Variants in TACC2 observed in about 807,000 individuals in gnomAD.
The protein encoded by TACC2 is transforming acidic coiled-coil containing protein 2, also known as transforming acidic coiled-coil-containing protein 2.
In TACC2, 137 loss-of-function variants were observed where a neutral mutation model predicts 227.3. The observed-to-expected ratio is 0.60, with a 90% CI of 0.52 to 0.69. TACC2 has a LOEUF of 0.69. Ranked by LOEUF, TACC2 falls within the 30% of genes least tolerant of loss-of-function variation. The pLI is 0.00. For missense variants in TACC2, 3,470 were observed against 3,694.4 expected, an observed-to-expected ratio of 0.94 and a Z score of 1.57; for synonymous variants, 1,523 against 1,487.5, an observed-to-expected ratio of 1.02 and a Z score of -0.55.
At position 121,993,836 on chromosome 10, in the gene TACC2, G is replaced by A. The variant is rs375420358; in HGVS notation, c.-46+4348G>A. On this transcript the variant is annotated intron_variant, in intron 1 of 22. Transcript: ENST00000369005. ...AGTAGACTCTACAAGGTCCCTCTGT[G>A]TTGCCCAGGCTGTTCTCAAACTCCT... 6.6e-5 allele frequency among the ~76,000 whole-genome samples: 10 copies of A among 152,214 alleles called. 1 individual carries two copies. The East Asian group carries it at 9.6e-4, about 15-fold the overall frequency.
At chr10:121,991,704 A>G (rs965319075) in intron 1 of TACC2, among the ~76,000 whole-genome samples, 19 of 152,234 alleles carry the variant, frequency 1.2e-4, no homozygotes, top group African/African-American at 4.6e-4. Flanking sequence ...GTTTACAGAC[A>G]TTGGAACTCT....
intron 7 of TACC2, among the ~76,000 whole-genome samples, chr10:122,190,930 T>A (rs2094390329): frequency 1.3e-5 from 2 of 152,220 alleles, no homozygotes; most frequent in African/African-American, 4.8e-5. Flanking sequence ...TATTGTAAAT[T>A]GAGCTTGCTG....
intron 5 of TACC2, among the ~76,000 whole-genome samples, chr10:122,089,304 C>T (rs1415757469): frequency 6.6e-6 from 1 of 152,150 alleles, no homozygotes; most frequent in Non-Finnish European, 1.5e-5. Context: ...CCCGCCGCAT[C>T]ATCTCTAGGC....
intron 1 of TACC2, among the ~76,000 whole-genome samples, chr10:122,003,583 C>T (rs929314992): frequency 6.6e-6 from 1 of 152,120 alleles, no homozygotes; most frequent in Non-Finnish European, 1.5e-5. Context: ...TGGTCACTTC[C>T]GGATGTGGGC....
intron 18 of TACC2, among the ~76,000 whole-genome samples, chr10:122,239,249 T>C (rs1317379217): frequency 6.6e-6 from 1 of 152,234 alleles, no homozygotes; most frequent in Non-Finnish European, 1.5e-5. Context: ...CCTTAGGTGA[T>C]CTGCCTGCCT....
intron 5 of TACC2, 139 bp from the exon 6 acceptor site, chr10:122,132,470 A>G (rs1470240992): frequency 3.0e-6 from 3 of 1,005,922 alleles, no homozygotes; most frequent in African/African-American, 3.2e-5. Context: ...AATTGCCTGT[A>G]CCCTGGAGAC....
chr10:122,176,740 C>A (rs572275006), intron 7 of TACC2, among the ~76,000 whole-genome samples: 1 of 152,140 alleles, frequency 6.6e-6, no homozygotes, highest in South Asian at 2.1e-4. Flanking sequence ...CTCCACCCAC[C>A]TAGGTTCTTT....
intron 2 of TACC2, among the ~76,000 whole-genome samples, chr10:122,039,254 G>A (rs1247475913): frequency 6.6e-6 from 1 of 152,156 alleles, no homozygotes; most frequent in African/African-American, 2.4e-5. Context: ...GGGATTACAG[G>A]TGTGAGCCAC....
intron 1 of TACC2, among the ~76,000 whole-genome samples, chr10:122,013,695 G>A (rs969989108): frequency 1.8e-4 from 27 of 152,218 alleles, no homozygotes; most frequent in African/African-American, 6.5e-4. Flanking sequence ...AGCCCTCTGT[G>A]GCTGGGGAGC....
chr10:122,108,968 C>T lies in TACC2; in HGVS notation c.5573+20377C>T, dbSNP rs1050120971. 3.3e-5 allele frequency among the ~76,000 whole-genome samples: 5 copies of T among 152,248 alleles called. No homozygotes were observed. The East Asian group carries it at 7.7e-4, about 24-fold the overall frequency. ...CAGGTTGGTCTCAAACTCCTGACCT[C>T]GTGATCCGCCCACCTCGGCCTCCCA... On this transcript the variant is annotated intron_variant, in intron 5 of 22. Transcript: ENST00000369005.
At chr10:122,106,073 C>T (rs1430459682) in intron 5 of TACC2, among the ~76,000 whole-genome samples, 13 of 149,412 alleles carry the variant, frequency 8.7e-5, no homozygotes, top group South Asian at 4.3e-4. Context: ...CTGCAGCCTC[C>T]GCCTCCTGGG....
chr10:122,107,621 TA>T (rs1265510007), intron 5 of TACC2, among the ~76,000 whole-genome samples: 13 of 151,756 alleles, frequency 8.6e-5, no homozygotes, highest in South Asian at 2.1e-4. Context: ...AATAATTTTT[TA>T]AAAAAGAATT....
chr10:122,174,029 C>T (rs949329806), intron 7 of TACC2, among the ~76,000 whole-genome samples: 3 of 152,230 alleles, frequency 2.0e-5, no homozygotes, highest in Non-Finnish European at 4.4e-5. Flanking sequence ...TCCTCTCTCC[C>T]TTTGTGGGAT....
intron 1 of TACC2, among the ~76,000 whole-genome samples, chr10:122,008,854 T>C (rs1955579212): frequency 6.6e-6 from 1 of 152,248 alleles, no homozygotes; most frequent in Non-Finnish European, 1.5e-5. Flanking sequence ...ATAACAGGCA[T>C]GAGCCACCAT....
rs545761644 is a variant in TACC2 at position 122,201,850 on chromosome 10, C to T, written c.5971+6674C>T. 9.1e-4 allele frequency among the ~76,000 whole-genome samples: 139 copies of T among 152,278 alleles called. 1 individual carries two copies. Among genetic ancestry groups the T allele is most frequent in the African/African-American group, 3.3e-3 (139 of 41,554 alleles). On this transcript the variant is annotated intron_variant, in intron 8 of 22. Transcript: ENST00000369005. Reference sequence around the variant, plus strand: ...TGGGGGGTGGTACTAGAGACAGTGACAGCGAGGCACAGCAAGGTTAAGGAG... The same window carrying T: ...TGGGGGGTGGTACTAGAGACAGTGATAGCGAGGCACAGCAAGGTTAAGGAG...
intron 18 of TACC2, among the ~76,000 whole-genome samples, chr10:122,241,169 C>T (rs896279665): frequency 7.9e-5 from 12 of 152,078 alleles, no homozygotes; most frequent in Non-Finnish European, 1.3e-4. Context: ...AACAAGAAAT[C>T]GTTGGTTCTC....
In TACC2 at chr10:122,196,933, C is replaced by CAAA. The variant is rs58473562; in HGVS notation, c.5971+1773_5971+1775dup. On this transcript the variant is annotated intron_variant, in intron 8 of 22. Coordinates refer to ENST00000369005, the MANE Select transcript of TACC2 (RefSeq NM_206862.4). ...CCTGGGTGACAGAGCGAGTCCGTCT[C>CAAA]AAAAAAAAAAAAAAAAAACAAAAAA... 1.5e-3 allele frequency among the ~76,000 whole-genome samples: 115 copies of CAAA among 78,148 alleles called. 3 individuals are homozygous for CAAA. The highest frequency in any genetic ancestry group is 4.6e-3 in the African/African-American group (92 of 20,066). The allele number at this position is 78,148 out of a possible 152,430, so 51.3% of individuals were successfully genotyped here.
At chr10:122,004,331 G>T (rs1954794464) in intron 1 of TACC2, among the ~76,000 whole-genome samples, 1 of 151,592 alleles carries the variant, frequency 6.6e-6, no homozygotes, top group Non-Finnish European at 1.5e-5. Context: ...CTGGGAGGCG[G>T]AGGTTGCAGT....
In TACC2 at chr10:122,046,862, G is replaced by A. The variant is rs188904986; in HGVS notation, c.34-3576G>A. On this transcript the variant is annotated intron_variant, in intron 2 of 22. Transcript: ENST00000369005. ...TGTTAGTTGCTGAGGTTTGCATGGCGGTCAGACAAGTAGGAATTGGGTTAA... is the reference window on the plus strand; with the variant it reads ...TGTTAGTTGCTGAGGTTTGCATGGCAGTCAGACAAGTAGGAATTGGGTTAA... 2.8e-4 allele frequency among the ~76,000 whole-genome samples: 42 copies of A among 152,214 alleles called. No homozygotes were observed. In the East Asian group the frequency reaches 6.6e-3, roughly 24 times the overall value.
Sources: allele counts gnomAD v4.1 joint callset (sites outside exome capture counted in the v4.1 genomes callset), GRCh38; gene constraint gnomAD v4.1.1; transcripts MANE v1.5; gene names NCBI Gene and HGNC (gene_info 2026-07-23, HGNC 2026-07-21).